Variants in ACCSL observed in about 807,000 individuals in gnomAD.
The protein encoded by ACCSL is 1-aminocyclopropane-1-carboxylate synthase homolog (inactive) like, also known as probable inactive 1-aminocyclopropane-1-carboxylate synthase-like protein 2.
Under a neutral mutation model 61.7 loss-of-function variants are expected in ACCSL, and 55 were observed. That is an observed-to-expected ratio of 0.89 (90% CI 0.72 to 1.12). The LOEUF (loss-of-function observed/expected upper bound fraction) is 1.12, where lower values mean the gene tolerates loss of function less well. Among genes scored for constraint, ACCSL ranks in the 50% most tolerant of loss-of-function variants. The pLI, the probability that ACCSL is intolerant of heterozygous loss-of-function variation, is 0.00. For missense variants in ACCSL, 632 were observed against 698.0 expected (o/e 0.91, Z 1.07); for synonymous variants, 258 against 264.3 (o/e 0.98, Z 0.23).
chr11:43,992,740 C>T, the ACCSL span, among the ~76,000 whole-genome samples: 1 of 152,256 alleles, frequency 6.6e-6, no homozygotes, highest in Non-Finnish European at 1.5e-5. Context: ...CTGAGTGTCA[C>T]TACATTCTAG....
the ACCSL span, among the ~76,000 whole-genome samples, chr11:43,930,795 GA>G: frequency 7.2e-5 from 11 of 151,918 alleles, no homozygotes; most frequent in African/African-American, 2.2e-4. Flanking sequence ...TGGTAAAAAA[GA>G]AAAAAAGTTT....
the ACCSL span, among the ~76,000 whole-genome samples, chr11:43,972,744 T>A: frequency 3.9e-5 from 6 of 152,236 alleles, no homozygotes; most frequent in South Asian, 1.0e-3. Flanking sequence ...AGAGGGTGAA[T>A]GTCAATTAAA....
chr11:43,969,887 G>A, the ACCSL span, among the ~76,000 whole-genome samples: 1 of 151,354 alleles, frequency 6.6e-6, no homozygotes, highest in Admixed American at 6.6e-5. Flanking sequence ...ACAACCCCCT[G>A]AGTGGGTTTC....
intron 8 of ACCSL, 21 bp from the exon 9 acceptor site, chr11:44,055,181 C>T: frequency 6.6e-7 from 1 of 1,521,016 alleles, no homozygotes; most frequent in Non-Finnish European, 9.0e-7. Flanking sequence ...TCTTGTTCTC[C>T]TTCTTTCATC....
At chr11:43,998,823 G>A in the ACCSL span, among the ~76,000 whole-genome samples, 1 of 149,954 alleles carries the variant, frequency 6.7e-6, no homozygotes, top group South Asian at 2.1e-4. Context: ...GTGGTGATGT[G>A]ATCACGGCTC....
the ACCSL span, among the ~76,000 whole-genome samples, chr11:43,934,369 G>T: frequency 5.3e-5 from 8 of 152,112 alleles, no homozygotes; most frequent in African/African-American, 1.9e-4. Flanking sequence ...CAGGGGGCAG[G>T]ACCACCCGAA....
chr11:44,016,197 A>G, the ACCSL span, among the ~76,000 whole-genome samples: 1 of 152,098 alleles, frequency 6.6e-6, no homozygotes, highest in African/African-American at 2.4e-5. Context: ...CGGTGGCTCA[A>G]TTTTAGCCAA....
chr11:44,055,800 C>T (rs1952667454), intron 9 of ACCSL, among the ~76,000 whole-genome samples: 1 of 152,228 alleles, frequency 6.6e-6, no homozygotes, highest in African/African-American at 2.4e-5. Flanking sequence ...AGGAGAGCCA[C>T]ATGTCAGGCT....
the ACCSL span, among the ~76,000 whole-genome samples, chr11:43,982,705 T>A: frequency 1.3e-5 from 2 of 151,808 alleles, no homozygotes; most frequent in Non-Finnish European, 2.9e-5. Flanking sequence ...GAGTCAGGGG[T>A]CCAGGGCTCT....
At chr11:43,956,697 G>A in the ACCSL span, among the ~76,000 whole-genome samples, 4 of 152,178 alleles carry the variant, frequency 2.6e-5, no homozygotes, top group Non-Finnish European at 4.4e-5. Flanking sequence ...GGGATTACAG[G>A]TGTGAGCCAC....
At chr11:44,043,717 A>G (rs1952585941), upstream of ACCSL, among the ~76,000 whole-genome samples, 2 of 152,018 alleles carry the variant, frequency 1.3e-5, no homozygotes, top group African/African-American at 4.8e-5. Context: ...ATATTCTCTT[A>G]CTTTCTCTTG....
the ACCSL span, among the ~76,000 whole-genome samples, chr11:44,022,444 C>T: frequency 1.2e-3 from 175 of 152,048 alleles, 6 homozygotes; most frequent in East Asian, 0.025. Context: ...GCAGTGCTAC[C>T]GATTTGTGTA....
At chr11:43,965,868 C>A in the ACCSL span, among the ~76,000 whole-genome samples, 2 of 152,148 alleles carry the variant, frequency 1.3e-5, no homozygotes, top group Non-Finnish European at 2.9e-5. Context: ...GTTTCTTCAA[C>A]AAATGATGCT....
chr11:44,048,190 G>C lies in ACCSL; in HGVS notation c.154G>C (p.Gly52Arg). The C allele has an allele frequency of 6.2e-7, 1 of 1,614,144 alleles. No individual in the cohort carries two copies. Among genetic ancestry groups the C allele is most frequent in the South Asian group, 1.1e-5 (1 of 91,084 alleles). The part of the protein sequence containing the change: ...EHFVQLTSRQ[G>R]LSLEERRHTE... ...CTTCGTGCAGCTGACGAGCAGACAG[G>C]GCCTGTCGCTGGAGGAAAGGAGGCA... The change falls in exon 1 of 14, where the codon GGC (glycine) becomes CGC (arginine). Residue 52 changes from glycine (G) to arginine (R), a missense_variant. Coordinates refer to ENST00000378832, the MANE Select transcript of ACCSL (RefSeq NM_001031854.2).
At chr11:43,924,025 C>G in the ACCSL span, among the ~76,000 whole-genome samples, 1 of 152,346 alleles carries the variant, frequency 6.6e-6, no homozygotes, top group East Asian at 1.9e-4. Context: ...CTTCACTGCT[C>G]TGGCTGAGCC....
the ACCSL span, chr11:43,943,115 G>T: frequency 2.0e-6 from 3 of 1,498,518 alleles, no homozygotes; most frequent in East Asian, 2.8e-5. The surrounding 1 kb of genome is among the most constrained non-coding windows in gnomAD (Gnocchi z 4.8). Context: ...GGAGGAGGGG[G>T]TGTCCCCCAT....
chr11:44,053,113 A>G, intron 7 of ACCSL, 45 bp downstream of exon 7: 1 of 1,550,708 alleles, frequency 6.4e-7, no homozygotes, highest in East Asian at 2.2e-5. Context: ...GCTGGTCCTA[A>G]AAGGGGTTTG....
rs772701076 is a variant in ACCSL at position 44,048,367 on chromosome 11, G to A, written c.331G>A (p.Ala111Thr). The part of the protein sequence containing the change: ...SRGDVRYGQR[A>T]QLSGQPDPVP... ...GGGTGATGTCAGATATGGGCAGAGGGCCCAACTCTCTGGGCAGCCTGATCC... is the reference window on the plus strand; with the variant it reads ...GGGTGATGTCAGATATGGGCAGAGGACCCAACTCTCTGGGCAGCCTGATCC... Residue 111 changes from alanine to threonine, a missense_variant, in exon 1 of 14, where the codon GCC becomes ACC. Ala to Thr is a moderately conservative substitution (Grantham distance 58, BLOSUM62 0). Coordinates refer to ENST00000378832, the MANE Select transcript of ACCSL (RefSeq NM_001031854.2). The A allele has an allele frequency of 3.1e-6, 5 of 1,614,118 alleles. No homozygotes were observed. The South Asian group carries it at 3.3e-5, about 11-fold the overall frequency.
intron 8 of ACCSL, among the ~76,000 whole-genome samples, chr11:44,053,897 C>T (rs1952655234): frequency 6.6e-6 from 1 of 152,134 alleles, no homozygotes; most frequent in South Asian, 2.1e-4. Flanking sequence ...TCACTATACA[C>T]CATACTTTGC....
Sources: allele counts gnomAD v4.1 joint callset (sites outside exome capture counted in the v4.1 genomes callset), GRCh38; gene constraint gnomAD v4.1.1; non-coding constraint Gnocchi (gnomAD v3.1); transcripts MANE v1.5; gene names NCBI Gene and HGNC (gene_info 2026-07-23, HGNC 2026-07-21).